B3GLCT: variants seen among roughly 807,000 people sequenced by gnomAD.
The protein encoded by B3GLCT is beta 3-glucosyltransferase.
A neutral mutation model predicts 63.4 loss-of-function variants in B3GLCT; 65 were observed. The observed-to-expected ratio is 1.03, with a 90% confidence interval of 0.84 to 1.26. The LOEUF (loss-of-function observed/expected upper bound fraction) is 1.26. B3GLCT is among the 50% of genes most tolerant of loss of function. The probability of loss-of-function intolerance (pLI) is 0.00; values close to 1 mark genes in which losing one functional copy is unlikely to be tolerated. For synonymous variants in B3GLCT, 233 were observed against 219.2 expected, an observed-to-expected ratio of 1.06 and a Z score of -0.55; for missense variants, 577 against 604.8, an observed-to-expected ratio of 0.95 and a Z score of 0.48.
chr13:31,267,113 A>G (rs1339373002), intron 7 of B3GLCT, among the ~76,000 whole-genome samples: 1 of 152,234 alleles, frequency 6.6e-6, no homozygotes, highest in Non-Finnish European at 1.5e-5. Flanking sequence ...GGTTTCCCTC[A>G]AAGAAAAAGA....
chr13:31,223,050 T>C, intron 3 of B3GLCT, 59 bp downstream of exon 3: 1 of 1,118,788 alleles, frequency 8.9e-7, no homozygotes, highest in East Asian at 2.4e-5. Flanking sequence ...GTATGAATTA[T>C]ATTTCCATGA....
chr13:31,218,087 T>C (rs979076635), intron 2 of B3GLCT, among the ~76,000 whole-genome samples: 1 of 152,154 alleles, frequency 6.6e-6, no homozygotes, highest in African/African-American at 2.4e-5. Flanking sequence ...ATTTGTTTTG[T>C]TGTCTCTGAT....
At chr13:31,312,931 G>T (rs534492493) in intron 12 of B3GLCT, 1 of 152,288 alleles carries the variant, frequency 6.6e-6, no homozygotes, top group South Asian at 2.1e-4. Context: ...TTTGTGTGCC[G>T]AAAACAGGAT....
intron 4 of B3GLCT, among the ~76,000 whole-genome samples, chr13:31,237,359 T>TG (rs1254759403): frequency 2.0e-5 from 3 of 149,782 alleles, no homozygotes; most frequent in Non-Finnish European, 4.5e-5. Flanking sequence ...GGCTGTTTTT[T>TG]TTTTTTTTTT....
At chr13:31,288,604 C>A (rs1316271564) in intron 12 of B3GLCT, among the ~76,000 whole-genome samples, 1 of 152,130 alleles carries the variant, frequency 6.6e-6, no homozygotes, top group African/African-American at 2.4e-5. Flanking sequence ...ATAACCATAC[C>A]CTAAGCCACT....
At chr13:31,234,762 C>T (rs758505435) in intron 4 of B3GLCT, among the ~76,000 whole-genome samples, 5 of 152,110 alleles carry the variant, frequency 3.3e-5, no homozygotes, top group South Asian at 2.1e-4. Context: ...CTTTGGTATA[C>T]AGGTGTTTAG....
chr13:31,262,930 T>TA (rs1297189828), intron 7 of B3GLCT, among the ~76,000 whole-genome samples: 1 of 152,190 alleles, frequency 6.6e-6, no homozygotes, highest in Non-Finnish European at 1.5e-5. Context: ...ATAACCTCTG[T>TA]ATAAGCCTGT....
intron 10 of B3GLCT, among the ~76,000 whole-genome samples, chr13:31,282,649 CAAA>C (rs11333268): frequency 3.1e-5 from 4 of 130,114 alleles, no homozygotes; most frequent in Non-Finnish European, 3.2e-5. Context: ...GACTCTGTCT[CAAA>C]AAAAAAAAAA....
At position 31,329,482 on chromosome 13, in the gene B3GLCT, C is replaced by G. The variant is rs1207781011; in HGVS notation, c.1330-19C>G. 1 of 1,613,934 alleles carries G rather than the reference C, an allele frequency of 6.2e-7. No homozygotes were observed. Among genetic ancestry groups the G allele is most frequent in the Non-Finnish European group, 8.5e-7 (1 of 1,179,848 alleles). On this transcript the variant is annotated intron_variant, in intron 14 of 14. Coordinates refer to ENST00000343307, the MANE Select transcript of B3GLCT (RefSeq NM_194318.4). ...ATATTCAATCAACAAGGAAGCCTAACTCTCTATTTTTCCTGCAGGCTCGGC... is the reference window on the plus strand; with the variant it reads ...ATATTCAATCAACAAGGAAGCCTAAGTCTCTATTTTTCCTGCAGGCTCGGC...
intron 7 of B3GLCT, among the ~76,000 whole-genome samples, chr13:31,268,413 T>G (rs1448349445): frequency 6.6e-6 from 1 of 152,186 alleles, no homozygotes; most frequent in Non-Finnish European, 1.5e-5. Context: ...GAGAGAGTTA[T>G]GTATGCACCA....
Position 31,235,469 on chromosome 13 carries a change from G to T in B3GLCT, c.270+6175G>T, listed in dbSNP as rs577136755. ...GGAGCAGACTGAAGGGCCATACGAAGGGATACAGAGAGGAGGGGCAGTGTG... is the reference window on the plus strand; with the variant it reads ...GGAGCAGACTGAAGGGCCATACGAATGGATACAGAGAGGAGGGGCAGTGTG... On this transcript the variant is annotated intron_variant, in intron 4 of 14. Transcript: ENST00000343307. Among the ~76,000 whole-genome samples the T allele has an allele frequency of 1.2e-4, 19 of 152,152 alleles. 1 individual carries two copies. The highest frequency in any genetic ancestry group is 4.6e-4 in the African/African-American group (19 of 41,492).
chr13:31,207,610 C>T (rs1045056972), intron 1 of B3GLCT, among the ~76,000 whole-genome samples: 3 of 151,798 alleles, frequency 2.0e-5, no homozygotes, highest in African/African-American at 7.3e-5. Context: ...ACTCTCTGGC[C>T]CATAGAATAT....
chr13:31,329,682 G>C lies in B3GLCT; in HGVS notation c.*14G>C, dbSNP rs1378716212. ...GAGGAGTTATAAATCAGGGTGACCT[G>C]TGCGCCTAGCCTGCGCAGGGAATGA... On this transcript the variant is annotated 3_prime_UTR_variant, in exon 15 of 15. Coordinates refer to ENST00000343307, the MANE Select transcript of B3GLCT (RefSeq NM_194318.4). 1.9e-6 allele frequency: 3 copies of C among 1,613,848 alleles called. No homozygotes were observed. The highest frequency in any genetic ancestry group is 1.7e-6 in the Non-Finnish European group (2 of 1,179,934).
chr13:31,255,047 A>C (rs1184452562), intron 6 of B3GLCT, among the ~76,000 whole-genome samples: 4 of 151,666 alleles, frequency 2.6e-5, no homozygotes, highest in African/African-American at 9.7e-5. Context: ...CAAAAAAAAA[A>C]AAAAAAAGAA....
At chr13:31,275,932 G>C (rs1041160260) in intron 9 of B3GLCT, among the ~76,000 whole-genome samples, 2 of 152,176 alleles carry the variant, frequency 1.3e-5, no homozygotes, top group Admixed American at 6.5e-5. Flanking sequence ...AGTGCCTTGA[G>C]TGACATGACA....
chr13:31,266,111 C>A (rs1445177253), intron 7 of B3GLCT, among the ~76,000 whole-genome samples: 1 of 152,166 alleles, frequency 6.6e-6, no homozygotes, highest in African/African-American at 2.4e-5. Flanking sequence ...CATTCTCCTG[C>A]CTCAGCCTCC....
At chr13:31,314,639 G>A (rs1874896214) in intron 12 of B3GLCT, among the ~76,000 whole-genome samples, 1 of 152,172 alleles carries the variant, frequency 6.6e-6, no homozygotes, top group South Asian at 2.1e-4. Context: ...AGGTGGAAGG[G>A]ATTTGTCTTG....
chr13:31,202,406 T>C (rs933559387), intron 1 of B3GLCT, among the ~76,000 whole-genome samples: 6 of 152,214 alleles, frequency 3.9e-5, no homozygotes, highest in Admixed American at 6.5e-5. Flanking sequence ...AGTTTTCTCA[T>C]ATGAACAGGG....
chr13:31,219,148 G>T lies in B3GLCT; in HGVS notation c.121-3804G>T, dbSNP rs539671585. 9.2e-5 allele frequency among the ~76,000 whole-genome samples: 14 copies of T among 152,144 alleles called. No homozygotes were observed. In the East Asian group the frequency reaches 2.7e-3, roughly 29 times the overall value. ...ACCTGGCAGAGACACAACAAAAAAA[G>T]AAAACGTCAGGCCAGTATCCCTGAT... On this transcript the variant is annotated intron_variant, in intron 2 of 14. Coordinates refer to ENST00000343307, the MANE Select transcript of B3GLCT (RefSeq NM_194318.4).
Sources: gnomAD v4.1 joint callset for allele counts (sites outside exome capture counted in the v4.1 genomes callset) on GRCh38, gnomAD v4.1.1 for gene constraint, MANE v1.5 for transcripts, NCBI Gene and HGNC (gene_info 2026-07-23, HGNC 2026-07-21) for gene names.